DLG2: variants seen among roughly 807,000 people sequenced by gnomAD.
DLG2 encodes discs large MAGUK scaffold protein 2, also known as disks large homolog 2.
DLG2 carries 45 observed loss-of-function variants against 132.5 expected under a neutral mutation model. The ratio of observed to expected loss-of-function variants is 0.34; its 90% CI spans 0.27 to 0.44. The LOEUF is 0.44. DLG2 is among the 20% of genes least tolerant of loss of function. The probability of loss-of-function intolerance (pLI) is 1.00; values close to 1 mark genes in which losing one functional copy is unlikely to be tolerated. For missense variants in DLG2, 1,045 were observed against 1,196.9 expected (o/e 0.87, Z 1.87); for synonymous variants, 424 against 419.6 (o/e 1.01, Z -0.13).
At chr11:83,616,160 G>T (rs1192628267) in intron 19 of DLG2, among the ~76,000 whole-genome samples, 2 of 152,022 alleles carry the variant, frequency 1.3e-5, no homozygotes, top group Non-Finnish European at 2.9e-5. Context: ...ATGGACATTT[G>T]GTTATTCCCA....
chr11:84,785,648 G>A (rs558371898), intron 6 of DLG2, among the ~76,000 whole-genome samples: 30 of 151,988 alleles, frequency 2.0e-4, no homozygotes, highest in Admixed American at 8.5e-4. Flanking sequence ...CTATTGATTC[G>A]TTTTCAAAAC....
chr11:84,373,267 A>AAAAAAAAAAAC (rs1567449305), intron 7 of DLG2, among the ~76,000 whole-genome samples: 1 of 139,288 alleles, frequency 7.2e-6, no homozygotes, highest in Non-Finnish European at 1.5e-5. Context: ...AAAAAAAACA[A>AAAAAAAAAAAC]AACAAAAAAA....
At chr11:84,188,691 A>C (rs2096335870) in intron 8 of DLG2, among the ~76,000 whole-genome samples, 1 of 152,124 alleles carries the variant, frequency 6.6e-6, no homozygotes, top group Admixed American at 6.5e-5. Context: ...CTCTCCCTAA[A>C]TATTCTCTTT....
rs545307778 is a variant in DLG2, at chr11:83,716,344, C to A, written c.1825+70346G>T. On this transcript the variant is annotated intron_variant, in intron 18 of 27. Coordinates refer to ENST00000376104, the MANE Select transcript of DLG2 (RefSeq NM_001142699.3). ...AGCCCTGGCAGCCAGTCCTGGGGTTCTTGGCCAGTTGTCTTACTCTCAGGC... is the reference window on the plus strand; with the variant it reads ...AGCCCTGGCAGCCAGTCCTGGGGTTATTGGCCAGTTGTCTTACTCTCAGGC... 1.6e-4 allele frequency among the ~76,000 whole-genome samples: 24 copies of A among 152,320 alleles called. No homozygotes were observed. The South Asian group carries it at 5.0e-3, about 32-fold the overall frequency.
At chr11:83,880,132 A>G (rs1189798950) in intron 15 of DLG2, among the ~76,000 whole-genome samples, 48 of 152,142 alleles carry the variant, frequency 3.2e-4, no homozygotes, top group Admixed American at 3.1e-3. Flanking sequence ...GCAATGAGGG[A>G]CAATGAATAC....
At chr11:84,467,266 A>C (rs183450495) in intron 7 of DLG2, among the ~76,000 whole-genome samples, 46 of 151,562 alleles carry the variant, frequency 3.0e-4, no homozygotes, top group African/African-American at 1.1e-3. Flanking sequence ...AAAATTGAGA[A>C]TCATTTGTCA....
chr11:84,984,127 C>G (rs2056156044), intron 6 of DLG2, among the ~76,000 whole-genome samples: 1 of 152,122 alleles, frequency 6.6e-6, no homozygotes, highest in Admixed American at 6.5e-5. Flanking sequence ...TTGCTAGAGA[C>G]CTAGACATCT....
At chr11:85,461,290 C>A (rs1428721685) in intron 3 of DLG2, among the ~76,000 whole-genome samples, 2 of 152,154 alleles carry the variant, frequency 1.3e-5, no homozygotes, top group Admixed American at 1.3e-4. Context: ...TTGAATGTGT[C>A]AGGATGCTTG....
At chr11:85,403,968 C>T (rs2088465179) in intron 3 of DLG2, among the ~76,000 whole-genome samples, 1 of 151,868 alleles carries the variant, frequency 6.6e-6, no homozygotes, top group South Asian at 2.1e-4. Flanking sequence ...ATAGGTGAAG[C>T]GGGGAGAAGA....
At chr11:84,364,804 G>A (rs1243623288) in intron 7 of DLG2, among the ~76,000 whole-genome samples, 4 of 152,220 alleles carry the variant, frequency 2.6e-5, no homozygotes, top group African/African-American at 4.8e-5. Context: ...TTTATATGCT[G>A]GATTACATTT....
chr11:84,452,270 T>C (rs1441636245), intron 7 of DLG2, among the ~76,000 whole-genome samples: 2 of 151,418 alleles, frequency 1.3e-5, no homozygotes, highest in Non-Finnish European at 3.0e-5. Context: ...AGGAGGAAAA[T>C]GGTACAAAAT....
intron 6 of DLG2, among the ~76,000 whole-genome samples, chr11:85,012,252 C>T (rs61909102): frequency 8.2e-5 from 6 of 73,104 alleles, no homozygotes; most frequent in African/African-American, 6.2e-4. Context: ...TATGGCCGGG[C>T]GCAGTGGCTC....
intron 8 of DLG2, among the ~76,000 whole-genome samples, chr11:84,230,928 G>C (rs1239413108): frequency 6.6e-6 from 1 of 152,196 alleles, no homozygotes; most frequent in Non-Finnish European, 1.5e-5. Context: ...ACTTCTTCAT[G>C]AAGGATACTA....
intron 18 of DLG2, among the ~76,000 whole-genome samples, chr11:83,705,826 C>T (rs1030436115): frequency 6.6e-6 from 1 of 152,172 alleles, no homozygotes; most frequent in Non-Finnish European, 1.5e-5. Context: ...GCTTATTTTG[C>T]ATGGCTCTTG....
At chr11:85,398,012 G>C (rs1048546186) in intron 3 of DLG2, among the ~76,000 whole-genome samples, 3 of 152,136 alleles carry the variant, frequency 2.0e-5, no homozygotes, top group African/African-American at 7.2e-5. Flanking sequence ...TTCTAAAATT[G>C]ACCACATAAT....
chr11:83,849,416 T>G (rs1051547100), intron 16 of DLG2, among the ~76,000 whole-genome samples: 28 of 151,800 alleles, frequency 1.8e-4, no homozygotes, highest in African/African-American at 6.5e-4. Flanking sequence ...AGTATTGTGT[T>G]ATAGATGAAG....
At position 84,475,995 on chromosome 11, in the gene DLG2, C is replaced by G. The variant is rs983935756; in HGVS notation, c.519+58575G>C. Among the ~76,000 whole-genome samples, 35 of 152,216 alleles carry G rather than the reference C, an allele frequency of 2.3e-4. 1 individual carries two copies. The highest frequency in any genetic ancestry group is 7.9e-4 in the African/African-American group (33 of 41,560). On this transcript the variant is annotated intron_variant, in intron 7 of 27. Coordinates refer to ENST00000376104, the MANE Select transcript of DLG2 (RefSeq NM_001142699.3). ...ACACTGATGCTCCCCAGGCCACCATCTGCAGTGTAACAACTGCTGATTACA... is the reference window on the plus strand; with the variant it reads ...ACACTGATGCTCCCCAGGCCACCATGTGCAGTGTAACAACTGCTGATTACA...
intron 5 of DLG2, among the ~76,000 whole-genome samples, chr11:85,150,113 G>A (rs143622450): frequency 3.6e-5 from 5 of 139,442 alleles, no homozygotes; most frequent in Middle Eastern, 3.7e-3. Context: ...TCCGCCTCCC[G>A]AGTTCACGCC....
chr11:84,574,896 A>T lies in DLG2; in HGVS notation c.358-40165T>A, dbSNP rs1179894227. 2.6e-5 allele frequency among the ~76,000 whole-genome samples: 4 copies of T among 152,064 alleles called. No individual in the cohort carries two copies. In the East Asian group the frequency reaches 7.7e-4, roughly 29 times the overall value. ...CCCATTGCTTGTTTTTCTGCCATTA[A>T]CCAGCATCTACCCAGCCAACTGGGT... On this transcript the variant is annotated intron_variant, in intron 6 of 27. Transcript: ENST00000376104.
Sources: allele counts gnomAD v4.1 joint callset (sites outside exome capture counted in the v4.1 genomes callset), GRCh38; gene constraint gnomAD v4.1.1; transcripts MANE v1.5; gene names NCBI Gene and HGNC (gene_info 2026-07-23, HGNC 2026-07-21).